PCSK2: variants seen among roughly 807,000 people sequenced by gnomAD.
PCSK2 encodes neuroendocrine convertase 2.
Under a neutral mutation model 69.7 loss-of-function variants are expected in PCSK2, and 14 were observed. That is an observed-to-expected ratio of 0.20 (90% CI 0.13 to 0.31). The LOEUF (loss-of-function observed/expected upper bound fraction) is 0.31, where lower values mean the gene tolerates loss of function less well. PCSK2 is among the 10% of genes least tolerant of loss of function. PCSK2 has a pLI of 1.00. For missense variants in PCSK2, 544 were observed against 842.5 expected (o/e 0.65, Z 4.39); for synonymous variants, 307 against 320.7 (o/e 0.96, Z 0.46).
At chr20:17,278,438 G>T (rs532496221) in intron 2 of PCSK2, among the ~76,000 whole-genome samples, 1 of 152,128 alleles carries the variant, frequency 6.6e-6, no homozygotes, top group Non-Finnish European at 1.5e-5. Context: ...GATGAAGCTG[G>T]AAACCATCAT....
chr20:17,310,598 TGTTCCCTCACAGCAGATTGATTTC>T (rs974895611), intron 2 of PCSK2, among the ~76,000 whole-genome samples: 19 of 151,564 alleles, frequency 1.3e-4, no homozygotes, highest in Non-Finnish European at 2.6e-4. Context: ...AAAACCAGTC[TGTTCCCTCACAGCAGATTGATTTC>T]CTTGAGATTA....
At chr20:17,414,115 T>C (rs2031942014) in intron 6 of PCSK2, among the ~76,000 whole-genome samples, 1 of 151,856 alleles carries the variant, frequency 6.6e-6, no homozygotes, top group Non-Finnish European at 1.5e-5. Context: ...ACATCACAAT[T>C]AAAAGAACTA....
intron 2 of PCSK2, among the ~76,000 whole-genome samples, chr20:17,335,620 T>C (rs1455795784): frequency 6.6e-6 from 1 of 152,046 alleles, no homozygotes. Flanking sequence ...CTGTCCCCAG[T>C]GTGTAGTCTT....
At chr20:17,456,015 G>T (rs2032913001) in intron 9 of PCSK2, among the ~76,000 whole-genome samples, 1 of 152,172 alleles carries the variant, frequency 6.6e-6, no homozygotes, top group Non-Finnish European at 1.5e-5. Context: ...TGAGGCAGGT[G>T]GATCACCTGA....
At chr20:17,400,719 C>T (rs989040296) in intron 5 of PCSK2, among the ~76,000 whole-genome samples, 3 of 152,222 alleles carry the variant, frequency 2.0e-5, no homozygotes, top group Non-Finnish European at 2.9e-5. Flanking sequence ...CTACTCTATA[C>T]TTACCATCAA....
At chr20:17,239,939 C>T (rs1451587716) in intron 1 of PCSK2, among the ~76,000 whole-genome samples, 4 of 145,960 alleles carry the variant, frequency 2.7e-5, no homozygotes, top group African/African-American at 7.6e-5. Flanking sequence ...CTGCAACCTC[C>T]GCCTCCCGGG....
At chr20:17,279,902 A>G (rs1988239904) in intron 2 of PCSK2, among the ~76,000 whole-genome samples, 1 of 152,060 alleles carries the variant, frequency 6.6e-6, no homozygotes, top group South Asian at 2.1e-4. Context: ...TTTCAAAACA[A>G]CACTTTTTTA....
intron 2 of PCSK2, among the ~76,000 whole-genome samples, chr20:17,274,955 C>G (rs542025804): frequency 6.6e-6 from 1 of 151,986 alleles, no homozygotes; most frequent in Admixed American, 6.6e-5. Flanking sequence ...ATCAGCATTG[C>G]TTCTTTGGCT....
At chr20:17,275,122 C>T (rs1236718617) in intron 2 of PCSK2, among the ~76,000 whole-genome samples, 3 of 142,780 alleles carry the variant, frequency 2.1e-5, no homozygotes, top group South Asian at 2.2e-4. Context: ...TAATGTTGGG[C>T]GACTAATGAA....
intron 4 of PCSK2, among the ~76,000 whole-genome samples, chr20:17,365,104 T>C (rs982141827): frequency 2.6e-5 from 4 of 152,132 alleles, no homozygotes; most frequent in Admixed American, 1.3e-4. Context: ...CATTTATAAA[T>C]AACAGAGATG....
At chr20:17,258,761 AGTGTGTGTGTGTGTGTGT>A (rs11467589) in intron 1 of PCSK2, among the ~76,000 whole-genome samples, 1 of 145,006 alleles carries the variant, frequency 6.9e-6, no homozygotes, top group East Asian at 2.0e-4. Flanking sequence ...CATAATATGT[AGTGTGTGTGTGTGTGTGT>A]GTGTGTGTGT....
chr20:17,465,816 C>A (rs111706281), intron 11 of PCSK2, among the ~76,000 whole-genome samples: 1 of 152,042 alleles, frequency 6.6e-6, no homozygotes, highest in South Asian at 2.1e-4. Flanking sequence ...CACAGGCATG[C>A]GCCACCACAC....
intron 5 of PCSK2, among the ~76,000 whole-genome samples, chr20:17,394,327 T>C (rs1274727934): frequency 1.3e-5 from 2 of 152,198 alleles, no homozygotes; most frequent in East Asian, 1.9e-4. Context: ...TATGTGCAAG[T>C]GGTATCAAGT....
intron 1 of PCSK2, among the ~76,000 whole-genome samples, chr20:17,245,321 T>G (rs1425618119): frequency 6.6e-6 from 1 of 152,230 alleles, no homozygotes; most frequent in Non-Finnish European, 1.5e-5. Context: ...TGTGTGGAAT[T>G]TAATAGGGTA....
Position 17,481,695 on chromosome 20 carries a change from C to T in PCSK2, c.1542C>T (p.Asn514=), listed in dbSNP as rs1056595787. The change falls in exon 12 of 12, where the codon AAC becomes AAT. Residue 514 remains asparagine, a synonymous_variant. Transcript: ENST00000262545. ...LEHVQAVITV[N]ATRRGDLNIN... is the part of the protein sequence containing the mutation. ...ATGTCCAGGCTGTCATCACGGTCAA[C>T]GCAACCAGAAGAGGAGACCTGAACA... 2 of 1,614,188 alleles carry T rather than the reference C, an allele frequency of 1.2e-6. No homozygotes were observed. The highest frequency in any genetic ancestry group is 1.3e-5 in the African/African-American group (1 of 75,046).
intron 2 of PCSK2, among the ~76,000 whole-genome samples, chr20:17,303,477 AT>A (rs1989189555): frequency 2.0e-5 from 1 of 49,856 alleles, no homozygotes; most frequent in Non-Finnish European, 4.1e-5. Flanking sequence ...TATATTATAT[AT>A]AATATATATT....
chr20:17,448,031 T>C (rs2032734441), intron 8 of PCSK2, among the ~76,000 whole-genome samples: 1 of 152,272 alleles, frequency 6.6e-6, no homozygotes, highest in African/African-American at 2.4e-5. Flanking sequence ...TCATCTTCTA[T>C]ATTCCAATTA....
intron 2 of PCSK2, among the ~76,000 whole-genome samples, chr20:17,297,928 G>T (rs114615106): frequency 6.6e-6 from 1 of 152,044 alleles, no homozygotes; most frequent in African/African-American, 2.4e-5. Flanking sequence ...TTTTAGTAAA[G>T]CACTTTAAGA....
chr20:17,272,379 G>C (rs1264207562), intron 2 of PCSK2, among the ~76,000 whole-genome samples: 1 of 152,098 alleles, frequency 6.6e-6, no homozygotes, highest in African/African-American at 2.4e-5. Context: ...TTGATTAATA[G>C]TGAACCTACA....
Sources: allele counts gnomAD v4.1 joint callset (sites outside exome capture counted in the v4.1 genomes callset), GRCh38; gene constraint gnomAD v4.1.1; transcripts MANE v1.5; gene names NCBI Gene and HGNC (gene_info 2026-07-23, HGNC 2026-07-21).